Variants in PTPRD observed in about 807,000 individuals in gnomAD.
The protein encoded by PTPRD is receptor-type tyrosine-protein phosphatase delta.
In PTPRD, 34 loss-of-function variants were observed where a neutral mutation model predicts 214.5. The observed-to-expected ratio is 0.16, with a 90% CI of 0.12 to 0.21. The LOEUF (loss-of-function observed/expected upper bound fraction) is 0.21. PTPRD is among the 10% of genes least tolerant of loss of function. The pLI is 1.00. For synonymous variants in PTPRD, 1,128 were observed against 845.7 expected (o/e 1.33, Z -5.79); for missense variants, 2,545 against 2,398.7 (o/e 1.06, Z -1.27).
intron 37 of PTPRD, among the ~76,000 whole-genome samples, chr9:8,384,680 T>C (rs923575547): frequency 6.6e-6 from 1 of 152,000 alleles, no homozygotes; most frequent in Non-Finnish European, 1.5e-5. Context: ...GCGTGTGCCA[T>C]TATACCTGGC....
intron 3 of PTPRD, among the ~76,000 whole-genome samples, chr9:10,340,724 C>T (rs1427914673): frequency 6.6e-6 from 1 of 151,866 alleles, no homozygotes; most frequent in Non-Finnish European, 1.5e-5. Context: ...TGGATGCCAA[C>T]ATCTCATGAG....
intron 33 of PTPRD, among the ~76,000 whole-genome samples, chr9:8,456,750 G>C (rs2096218926): frequency 6.6e-6 from 1 of 151,892 alleles, no homozygotes. Context: ...ATCCTGGGAT[G>C]GGGATGGAAA....
At chr9:9,843,682 A>G (rs1174718696) in intron 5 of PTPRD, among the ~76,000 whole-genome samples, 1 of 152,074 alleles carries the variant, frequency 6.6e-6, no homozygotes, top group Non-Finnish European at 1.5e-5. Context: ...GAAAACACAT[A>G]TATTAAACTT....
chr9:9,970,413 C>T (rs551023363), intron 4 of PTPRD, among the ~76,000 whole-genome samples: 86 of 128,866 alleles, frequency 6.7e-4, no homozygotes, highest in Admixed American at 3.8e-3. Flanking sequence ...GCCTGGGCGA[C>T]AGCGAGACTC....
chr9:10,307,208 G>A (rs957455213), intron 3 of PTPRD, among the ~76,000 whole-genome samples: 11 of 145,856 alleles, frequency 7.5e-5, no homozygotes, highest in African/African-American at 2.8e-4. Context: ...TAAATAACCT[G>A]TTTTCATCCA....
At chr9:10,365,529 A>G (rs138606372) in intron 2 of PTPRD, among the ~76,000 whole-genome samples, 513 of 152,088 alleles carry the variant, frequency 3.4e-3, no homozygotes, top group African/African-American at 0.011. Flanking sequence ...GTATTTTCCT[A>G]TTTCCTCAAG....
chr9:8,507,419 A>G lies in PTPRD; in HGVS notation c.1559T>C (p.Leu520Pro), dbSNP rs1287521671. 6.2e-7 allele frequency: 1 copy of G among 1,613,980 alleles called. No individual in the cohort carries two copies. Among genetic ancestry groups the G allele is most frequent in the East Asian group, 2.2e-5 (1 of 44,864 alleles). ...ITQTGVPGQP[L>P]NFKAEPESET... Reference sequence around the variant, plus strand: ...AGACTCAGGTTCTGCTTTGAAGTTTAGTGGCTGCCCTGGTACTAAAAACAG... The same window carrying G: ...AGACTCAGGTTCTGCTTTGAAGTTTGGTGGCTGCCCTGGTACTAAAAACAG... Residue 520 changes from leucine (L) to proline (P), a missense_variant, in exon 22 of 46, where the codon CTA (leucine) becomes CCA (proline). Leu to Pro is a moderately conservative substitution (Grantham distance 98). Coordinates refer to ENST00000381196, the MANE Select transcript of PTPRD (RefSeq NM_002839.4).
chr9:10,023,011 C>T (rs184458659), intron 4 of PTPRD, among the ~76,000 whole-genome samples: 302 of 152,128 alleles, frequency 2.0e-3, no homozygotes, highest in Non-Finnish European at 3.7e-3. Flanking sequence ...TTGTACTAGA[C>T]GCATATATTC....
At chr9:10,156,779 A>G (rs1027075013) in intron 3 of PTPRD, among the ~76,000 whole-genome samples, 2 of 152,092 alleles carry the variant, frequency 1.3e-5, no homozygotes, top group Admixed American at 6.6e-5. Flanking sequence ...AGTCTCTTGG[A>G]AAGTTTTTAA....
chr9:10,537,025 G>A (rs371812194), intron 2 of PTPRD, among the ~76,000 whole-genome samples: 1 of 152,164 alleles, frequency 6.6e-6, no homozygotes, highest in East Asian at 1.9e-4. Context: ...TAATTGGGTT[G>A]GGCATTTCTT....
At chr9:9,253,946 A>C (rs189855191) in intron 9 of PTPRD, among the ~76,000 whole-genome samples, 95 of 152,162 alleles carry the variant, frequency 6.2e-4, no homozygotes, top group Admixed American at 2.4e-3. Flanking sequence ...GGCAGTTGCC[A>C]GCTTGGTTTC....
At chr9:10,335,618 T>A (rs2096831413) in intron 3 of PTPRD, among the ~76,000 whole-genome samples, 1 of 151,256 alleles carries the variant, frequency 6.6e-6, no homozygotes, top group Non-Finnish European at 1.5e-5. Flanking sequence ...AATAAAAAAT[T>A]CCAGCTGAAA....
intron 11 of PTPRD, among the ~76,000 whole-genome samples, chr9:8,822,235 T>C (rs192615562): frequency 7.9e-5 from 12 of 152,338 alleles, no homozygotes; most frequent in African/African-American, 2.9e-4. Context: ...TTAGTATATC[T>C]GGTCTCTTTG....
intron 14 of PTPRD, among the ~76,000 whole-genome samples, chr9:8,561,431 C>A (rs1312753136): frequency 6.6e-6 from 1 of 152,162 alleles, no homozygotes; most frequent in African/African-American, 2.4e-5. Context: ...TCAGCCTACC[C>A]TCATTTTTCT....
At chr9:9,299,895 T>C (rs1247836848) in intron 9 of PTPRD, among the ~76,000 whole-genome samples, 1 of 150,786 alleles carries the variant, frequency 6.6e-6, no homozygotes, top group African/African-American at 2.4e-5. Flanking sequence ...AAAACTAAGA[T>C]CTAATTTATA....
intron 2 of PTPRD, among the ~76,000 whole-genome samples, chr9:10,453,005 T>G (rs1049508102): frequency 1.3e-5 from 2 of 151,726 alleles, no homozygotes; most frequent in African/African-American, 4.8e-5. Flanking sequence ...TTTTTGTGTG[T>G]GGTATGAGTT....
intron 2 of PTPRD, among the ~76,000 whole-genome samples, chr9:10,482,225 G>A (rs2099103807): frequency 6.6e-6 from 1 of 151,804 alleles, no homozygotes; most frequent in South Asian, 2.1e-4. Flanking sequence ...CAAAAAATTA[G>A]CCGGGCGTGG....
chr9:9,595,530 G>A (rs368736627), intron 7 of PTPRD, among the ~76,000 whole-genome samples: 121 of 129,364 alleles, frequency 9.4e-4, no homozygotes, highest in African/African-American at 3.2e-3. Flanking sequence ...ATATACACAC[G>A]TATGCATATG....
At chr9:9,109,047 T>C (rs1236229147) in intron 10 of PTPRD, among the ~76,000 whole-genome samples, 2 of 152,210 alleles carry the variant, frequency 1.3e-5, no homozygotes, top group East Asian at 3.9e-4. Context: ...TAGGCAAGAA[T>C]AAATAAAATG....
Sources: gnomAD v4.1 joint callset for allele counts (sites outside exome capture counted in the v4.1 genomes callset) on GRCh38, gnomAD v4.1.1 for gene constraint, MANE v1.5 for transcripts, NCBI Gene and HGNC (gene_info 2026-07-23, HGNC 2026-07-21) for gene names.